The following COL6A6 variants were observed in gnomAD, a reference collection of about 807,000 sequenced individuals.
COL6A6 encodes collagen alpha-6(VI) chain.
In COL6A6, 183 loss-of-function variants were observed where a neutral mutation model predicts 208.6. The observed-to-expected ratio is 0.88, with a 90% confidence interval of 0.78 to 0.99. COL6A6 has a LOEUF of 0.99. COL6A6 is among the 50% of genes least tolerant of loss of function. COL6A6 has a pLI of 0.00. For missense variants in COL6A6, 2,816 were observed against 2,815.2 expected (o/e 1.00, Z -0.01); for synonymous variants, 973 against 1,011.8 (o/e 0.96, Z 0.73).
intron 1 of COL6A6, among the ~76,000 whole-genome samples, chr3:130,542,314 C>T (rs183668238): frequency 1.3e-5 from 2 of 151,480 alleles, no homozygotes; most frequent in East Asian, 1.9e-4. Context: ...GTTGTTTTAT[C>T]GCCATGTGTT....
intron 1 of COL6A6, among the ~76,000 whole-genome samples, chr3:130,531,451 A>G (rs931063490): frequency 1.3e-5 from 2 of 152,272 alleles, no homozygotes; most frequent in Middle Eastern, 6.8e-3. Flanking sequence ...AAAATGTATG[A>G]GCTCTTCCCC....
intron 5 of COL6A6, 127 bp from the exon 6 acceptor site, chr3:130,567,920 A>T: frequency 1.5e-6 from 1 of 674,798 alleles, no homozygotes. Context: ...TCTAAGCTTT[A>T]TTTACTACTA....
chr3:130,675,620 C>T lies in COL6A6; in HGVS notation c.*223C>T, dbSNP rs2066340902. 1 of 406,824 alleles carries T rather than the reference C, an allele frequency of 2.5e-6. No individual in the cohort carries two copies. The highest frequency in any genetic ancestry group is 3.5e-5 in the East Asian group (1 of 28,220). 25.2% of individuals were successfully genotyped at this position (406,824 alleles called of 1,614,324 possible). A position where few individuals can be genotyped will look rare whatever the true frequency, so the allele number is the denominator to read the frequency against. The stretch of plus-strand genomic sequence containing the variant: ...GTCGAAGAACTGTTTCATTAGAAGA[C>T]AGAAGAATGAAAGAAGTGTTTTGAA... On this transcript the variant is annotated 3_prime_UTR_variant, in exon 37 of 37. Transcript: ENST00000358511.
Position 130,517,398 on chromosome 3 carries a change from GT to G in COL6A6, c.-32+2del, listed in dbSNP as rs780992253. 4.7e-4 allele frequency among the ~76,000 whole-genome samples: 71 copies of G among 152,378 alleles called. No homozygotes were observed. The Middle Eastern group carries it at 0.01, about 22-fold the overall frequency. On this transcript the variant is annotated splice_donor_variant, in intron 1 of 36. Coordinates refer to ENST00000358511, the MANE Select transcript of COL6A6 (RefSeq NM_001102608.3). LOFTEE classifies it low-confidence loss of function (5UTR_SPLICE). Reference sequence around the variant, plus strand: ...GGGGCTGCATGGAAGTTTCCCCAAGGTAAGTCCAGGAGCCAACGCTGGGACA... The same window carrying G: ...GGGGCTGCATGGAAGTTTCCCCAAGGAAGTCCAGGAGCCAACGCTGGGACA...
chr3:130,626,539 G>A lies in COL6A6; in HGVS notation c.4933G>A (p.Gly1645Ser). ...KGAVGFPGPRGLQGNDGSPGY... is the reference protein window; with the variant it reads ...KGAVGFPGPRSLQGNDGSPGY... The stretch of plus-strand genomic sequence containing the variant: ...AGCTGTTGGCTTTCCTGGTCCTCGT[G>A]GCTTGCAGGTTTGTATTTTGACACT... Residue 1645 changes from glycine to serine, a missense_variant, in exon 25 of 37, where the codon GGC becomes AGC. Transcript: ENST00000358511. 1 of 1,612,320 alleles carries A rather than the reference G, an allele frequency of 6.2e-7. No individual in the cohort carries two copies. The highest frequency in any genetic ancestry group is 8.5e-7 in the Non-Finnish European group (1 of 1,178,422).
At chr3:130,570,468 G>A (rs892684352) in intron 6 of COL6A6, among the ~76,000 whole-genome samples, 2 of 152,156 alleles carry the variant, frequency 1.3e-5, no homozygotes, top group South Asian at 4.1e-4. Flanking sequence ...GCACATGTTG[G>A]ATAAACCACT....
At chr3:130,536,339 T>C (rs1328616565) in intron 1 of COL6A6, among the ~76,000 whole-genome samples, 1 of 152,234 alleles carries the variant, frequency 6.6e-6, no homozygotes, top group Non-Finnish European at 1.5e-5. Context: ...CATTTACTTG[T>C]TCATTCAAGT....
intron 33 of COL6A6, among the ~76,000 whole-genome samples, chr3:130,650,600 C>G (rs1166609425): frequency 7.1e-6 from 1 of 140,334 alleles, no homozygotes; most frequent in Non-Finnish European, 1.5e-5. Flanking sequence ...ACAGAGTGAG[C>G]CTCTGTCTCC....
At chr3:130,610,315 T>G (rs1156297921) in intron 22 of COL6A6, among the ~76,000 whole-genome samples, 2 of 152,204 alleles carry the variant, frequency 1.3e-5, no homozygotes, top group Non-Finnish European at 2.9e-5. Context: ...TGGTTTCAGA[T>G]GTATATTTGT....
At chr3:130,560,216 A>G (rs963531843) in intron 1 of COL6A6, 118 bp from the exon 2 acceptor site, 1 of 571,294 alleles carries the variant, frequency 1.8e-6, no homozygotes, top group Admixed American at 3.5e-5. Flanking sequence ...AGTGAACCTC[A>G]GAAATTCCTT....
intron 7 of COL6A6, among the ~76,000 whole-genome samples, chr3:130,571,598 T>A (rs1001439283): frequency 8.5e-5 from 13 of 152,226 alleles, no homozygotes; most frequent in African/African-American, 3.1e-4. Context: ...AGAGAGATAC[T>A]TTCTGCAGCA....
At chr3:130,584,175 A>G (rs2063484713) in intron 10 of COL6A6, among the ~76,000 whole-genome samples, 2 of 152,162 alleles carry the variant, frequency 1.3e-5, no homozygotes, top group African/African-American at 4.8e-5. Flanking sequence ...CATTTATTGG[A>G]TGAGTCTGAA....
rs1221913751 is a variant in COL6A6, at chr3:130,574,302, C to A, written c.3324C>A (p.Val1108=). 1 of 1,614,006 alleles carries A rather than the reference C, an allele frequency of 6.2e-7. No individual in the cohort carries two copies. Among genetic ancestry groups the A allele is most frequent in the Admixed American group, 1.7e-5 (1 of 60,026 alleles). ...INTGTPQVLL[V]LTDGQSQDEV... is the part of the protein sequence containing the mutation. ...CAGGTACCCCACAGGTGCTGCTGGT[C>A]CTTACAGATGGCCAGTCCCAAGACG... is the stretch of plus-strand genomic sequence containing the variant. The change falls in exon 8 of 37, where the codon GTC becomes GTA. Residue 1108 remains valine (V), a synonymous_variant. Transcript: ENST00000358511.
At chr3:130,650,610 CAAAA>C (rs3074296) in intron 33 of COL6A6, among the ~76,000 whole-genome samples, 1 of 127,970 alleles carries the variant, frequency 7.8e-6, no homozygotes, top group African/African-American at 2.8e-5. Flanking sequence ...CCTCTGTCTC[CAAAA>C]AAAAAAAGAA....
Position 130,581,760 on chromosome 3 carries a change from A to G in COL6A6, c.3747A>G (p.Lys1249=). The G allele has an allele frequency of 6.2e-7, 1 of 1,613,818 alleles. No homozygotes were observed. Among genetic ancestry groups the G allele is most frequent in the Non-Finnish European group, 8.5e-7 (1 of 1,179,812 alleles). The change falls in exon 9 of 37, where the codon AAA becomes AAG. Residue 1249 remains lysine (K), a synonymous_variant. Coordinates refer to ENST00000358511, the MANE Select transcript of COL6A6 (RefSeq NM_001102608.3). The part of the protein sequence containing the change: ...VAFQVTNAME[K]YSPKFEIYSE... ...TTCAAGTGACCAATGCCATGGAAAA[A>G]TATTCTCCCAAGTTTGAGATCTACA... is the stretch of plus-strand genomic sequence containing the variant.
intron 1 of COL6A6, among the ~76,000 whole-genome samples, chr3:130,521,054 G>A (rs1376304734): frequency 6.6e-6 from 1 of 152,080 alleles, no homozygotes; most frequent in East Asian, 1.9e-4. Flanking sequence ...AGTCACAAAG[G>A]CACAAATAAA....
At chr3:130,606,857 C>T in intron 20 of COL6A6, 74 bp from the exon 21 acceptor site, 1 of 1,168,994 alleles carries the variant, frequency 8.6e-7, no homozygotes, top group South Asian at 1.4e-5. Flanking sequence ...CTTAAAGTGT[C>T]CATTATGAAT....
chr3:130,592,513 G>T (rs1311696257), intron 13 of COL6A6, 28 bp from the exon 14 acceptor site: 1 of 1,537,144 alleles, frequency 6.5e-7, no homozygotes, highest in East Asian at 2.4e-5. Flanking sequence ...AATAGAAAAA[G>T]CTCATTTGGA....
chr3:130,592,409 T>C, intron 13 of COL6A6, 132 bp from the exon 14 acceptor site: 1 of 687,612 alleles, frequency 1.5e-6, no homozygotes, highest in East Asian at 2.7e-5. Flanking sequence ...TCTTAGTTTT[T>C]ATAAGCAAGA....
Sources: allele counts gnomAD v4.1 joint callset (sites outside exome capture counted in the v4.1 genomes callset), GRCh38; gene constraint gnomAD v4.1.1; transcripts MANE v1.5; gene names NCBI Gene and HGNC (gene_info 2026-07-23, HGNC 2026-07-21).